DST: variants seen among roughly 807,000 people sequenced by gnomAD.
DST encodes the protein bullous pemphigoid antigen.
A neutral mutation model predicts 875.2 loss-of-function variants in DST; 253 were observed. That is an observed-to-expected ratio of 0.29 (90% CI 0.26 to 0.32). The LOEUF is 0.32. Ranked by LOEUF, DST falls within the 10% of genes least tolerant of loss-of-function variation. DST has a pLI of 1.00. For synonymous variants in DST, 3,124 were observed against 3,197.1 expected, an observed-to-expected ratio of 0.98 and a Z score of 0.77; for missense variants, 8,287 against 9,111.6, an observed-to-expected ratio of 0.91 and a Z score of 3.68.
rs773163090 is a variant in DST, at chr6:56,604,452, C to T, written c.10176G>A (p.Arg3392=). 3 of 1,609,272 alleles carry T rather than the reference C, an allele frequency of 1.9e-6. 1 individual carries two copies. The highest frequency in any genetic ancestry group is 2.5e-6 in the Non-Finnish European group (3 of 1,177,306). Residue 3392 remains arginine (R), a synonymous_variant, in exon 40 of 104, where the codon AGG becomes AGA. Transcript: ENST00000680361. ...CATTTACCAACTGTGATGTGGTAAT[C>T]CTTTTAATTAAATTTTGAATTAAAA... is the stretch of plus-strand genomic sequence containing the variant. ...TKILIQNLIK[R]ITTSQLVNEA...
At chr6:56,544,231 C>G (rs886360306) in intron 61 of DST, among the ~76,000 whole-genome samples, 7 of 152,182 alleles carry the variant, frequency 4.6e-5, no homozygotes, top group African/African-American at 1.7e-4. Flanking sequence ...AGCTGCCGCT[C>G]TCTTGATATG....
At chr6:56,811,508 A>T (rs968657826) in intron 4 of DST, among the ~76,000 whole-genome samples, 1 of 152,226 alleles carries the variant, frequency 6.6e-6, no homozygotes, top group Non-Finnish European at 1.5e-5. Context: ...AGATCCATTT[A>T]AGCCCATTTA....
Position 56,631,225 on chromosome 6 carries a change from G to A in DST, c.4128C>T (p.Ser1376=). 6.2e-7 allele frequency: 1 copy of A among 1,609,770 alleles called. No individual in the cohort carries two copies. The highest frequency in any genetic ancestry group is 8.5e-7 in the Non-Finnish European group (1 of 1,176,442). ...QNMNQVYSMS[S]TYIDKLKTVN... ...CAGTTACATACTTATCTATGTAAGT[G>A]GAAGACATAGAATAGACTTGGTTCA... Residue 1376 remains serine, a synonymous_variant, in exon 30 of 104, where the codon TCC becomes TCT. Coordinates refer to ENST00000680361, the MANE Select transcript of DST (RefSeq NM_001374736.1).
At chr6:56,816,736 C>T (rs1039686998) in intron 4 of DST, among the ~76,000 whole-genome samples, 2 of 151,846 alleles carry the variant, frequency 1.3e-5, no homozygotes, top group African/African-American at 4.8e-5. Context: ...TCGGGTTGGT[C>T]TATGTTTCCC....
At chr6:56,578,314 G>A (rs2097906703) in intron 50 of DST, among the ~76,000 whole-genome samples, 1 of 152,166 alleles carries the variant, frequency 6.6e-6, no homozygotes, top group Admixed American at 6.5e-5. Flanking sequence ...AGTCAAGGCT[G>A]CAGTGAGACA....
rs1411497493 is a variant in DST, at chr6:56,517,533, C to G, written c.18217G>C (p.Asp6073His). The G allele has an allele frequency of 6.2e-7, 1 of 1,613,158 alleles. No individual in the cohort carries two copies. The highest frequency in any genetic ancestry group is 1.3e-5 in the African/African-American group (1 of 75,010). Residue 6073 changes from aspartate (D) to histidine (H), a missense_variant, in exon 70 of 104, where the codon GAC (aspartate) becomes CAC (histidine). Transcript: ENST00000680361. Reference protein sequence around the residue: ...MSLGDIRLEQDQTSAQLQVQK... With the variant: ...MSLGDIRLEQHQTSAQLQVQK... ...ACTTGAAGCTGAGCAGAAGTCTGGT[C>G]TTGCTCAAGCCTGATGTCACCCAGA...
chr6:56,883,319 T>G (rs560557845), intron 3 of DST, among the ~76,000 whole-genome samples: 1 of 152,252 alleles, frequency 6.6e-6, no homozygotes, highest in Non-Finnish European at 1.5e-5. Flanking sequence ...TTGTCTATTT[T>G]ATATTATTTG....
intron 61 of DST, 121 bp from the exon 62 acceptor site, chr6:56,537,061 A>ATT: frequency 1.2e-6 from 1 of 835,252 alleles, no homozygotes; most frequent in Non-Finnish European, 1.8e-6. Flanking sequence ...GGTAAAGATA[A>ATT]TTTTTATTGT....
intron 9 of DST, among the ~76,000 whole-genome samples, chr6:56,673,697 C>T (rs2099114272): frequency 6.6e-6 from 1 of 152,162 alleles, no homozygotes; most frequent in African/African-American, 2.4e-5. Context: ...TACATACACA[C>T]ACTATTAAAA....
In DST at chr6:56,482,086, A is replaced by G. The variant is rs753193010; in HGVS notation, c.21495T>C (p.Asp7165=). ...TLRFHGVLPD[D]EDALRTLIDQ... Reference sequence around the variant, plus strand: ...CAATGAGAGTCCGGAGAGCATCCTCATCATCTGGGAGGACACCATGGAAAC... The same window carrying G: ...CAATGAGAGTCCGGAGAGCATCCTCGTCATCTGGGAGGACACCATGGAAAC... Residue 7165 remains aspartate, a synonymous_variant, in exon 90 of 104, where the codon GAT becomes GAC. Coordinates refer to ENST00000680361, the MANE Select transcript of DST (RefSeq NM_001374736.1). The G allele has an allele frequency of 6.2e-7, 1 of 1,613,806 alleles. No individual in the cohort carries two copies.
chr6:56,483,774 T>A (rs2095478261), intron 88 of DST: 1 of 152,068 alleles, frequency 6.6e-6, no homozygotes, highest in Admixed American at 6.6e-5. Context: ...TTTGGCCATA[T>A]CTATAGGTTT....
At chr6:56,942,156 T>C (rs994477643) in intron 2 of DST, among the ~76,000 whole-genome samples, 1 of 152,214 alleles carries the variant, frequency 6.6e-6, no homozygotes, top group African/African-American at 2.4e-5. Context: ...CTTATGATTA[T>C]TGTTTGCATC....
rs1264900098 is a variant in DST at position 56,642,735 on chromosome 6, A to G, written c.1779-232T>C. On this transcript the variant is annotated intron_variant, in intron 15 of 103. Transcript: ENST00000680361. ...AATCAAGACTGGTTCGAGTGCTGGT[A>G]GTGTTACTAAACACAGAATCACTGC... The G allele has an allele frequency of 6.2e-7, 1 of 1,614,146 alleles. No individual in the cohort carries two copies.
intron 36 of DST, chr6:56,620,461 A>G: frequency 4.3e-6 from 7 of 1,613,992 alleles, no homozygotes; most frequent in Non-Finnish European, 5.9e-6. Flanking sequence ...GCTTGGCTTC[A>G]CTTTCAGCCC....
At chr6:56,735,041 C>T in intron 5 of DST, 187 bp downstream of exon 5, 1 of 561,694 alleles carries the variant, frequency 1.8e-6, no homozygotes, top group Non-Finnish European at 3.2e-6. Flanking sequence ...ACCTATCCAC[C>T]TCCATCATTA....
intron 5 of DST, among the ~76,000 whole-genome samples, chr6:56,710,515 A>G (rs976057516): frequency 6.6e-6 from 1 of 152,256 alleles, no homozygotes; most frequent in African/African-American, 2.4e-5. Flanking sequence ...CAATTTTTTT[A>G]CATCAAACAA....
intron 86 of DST, among the ~76,000 whole-genome samples, chr6:56,488,340 C>T (rs1190766768): frequency 1.3e-5 from 2 of 152,240 alleles, no homozygotes; most frequent in East Asian, 1.9e-4. Context: ...TAAGACTACA[C>T]GATACAACAT....
rs1474548889 is a variant in DST at position 56,900,442 on chromosome 6, T to C, written c.396A>G (p.Gln132=). The C allele has an allele frequency of 2.2e-6, 3 of 1,367,744 alleles. No individual in the cohort carries two copies. The highest frequency in any genetic ancestry group is 2.9e-6 in the Non-Finnish European group (3 of 1,021,862). The allele number at this position is 1,367,744 out of a possible 1,614,324, so 84.7% of individuals were successfully genotyped here. A position where few individuals can be genotyped will look rare whatever the true frequency, so the allele number is the denominator to read the frequency against. ...TTACAGGCCTCCTGATTGAAGCACC[T>C]TGAACAGAGTGATAAAATTCTGGCT... The part of the protein sequence containing the change: ...RVQPEFYHSV[Q]GASIRRPSSG... Residue 132 remains glutamine, a synonymous_variant, in exon 3 of 104, where the codon CAA becomes CAG. Coordinates refer to ENST00000680361, the MANE Select transcript of DST (RefSeq NM_001374736.1).
At chr6:56,849,013 T>C (rs190844993) in intron 4 of DST, among the ~76,000 whole-genome samples, 13 of 152,170 alleles carry the variant, frequency 8.5e-5, no homozygotes, top group African/African-American at 3.1e-4. Flanking sequence ...CACTCCAGTC[T>C]GGGTGACAGA....
Sources: allele counts gnomAD v4.1 joint callset (sites outside exome capture counted in the v4.1 genomes callset), GRCh38; gene constraint gnomAD v4.1.1; transcripts MANE v1.5; gene names NCBI Gene and HGNC (gene_info 2026-07-23, HGNC 2026-07-21).